Variants in GRIN2B observed in about 807,000 individuals in gnomAD.
GRIN2B encodes glutamate ionotropic receptor NMDA type subunit 2B.
GRIN2B carries 5 observed loss-of-function variants against 114.5 expected under a neutral mutation model. That is an observed-to-expected ratio of 0.04 (90% CI 0.02 to 0.09). The LOEUF (loss-of-function observed/expected upper bound fraction) is 0.09. Among genes scored for constraint, GRIN2B ranks in the 10% least tolerant of loss-of-function variants. The pLI is 1.00. For missense variants in GRIN2B, 1,108 were observed against 1,943.5 expected, an observed-to-expected ratio of 0.57 and a Z score of 8.08; for synonymous variants, 787 against 745.1, an observed-to-expected ratio of 1.06 and a Z score of -0.92.
chr12:13,580,057 AG>A (rs1278874097), intron 10 of GRIN2B, among the ~76,000 whole-genome samples: 1 of 152,238 alleles, frequency 6.6e-6, no homozygotes, highest in East Asian at 1.9e-4. Context: ...TCCTGGCACC[AG>A]GAGAGGAGCA....
chr12:13,691,155 C>T (rs1489791115), intron 4 of GRIN2B, among the ~76,000 whole-genome samples: 1 of 151,890 alleles, frequency 6.6e-6, no homozygotes, highest in African/African-American at 2.4e-5. Context: ...ACTCCCTACA[C>T]ACATCACAGC....
chr12:13,929,446 C>T (rs917317704), intron 2 of GRIN2B, among the ~76,000 whole-genome samples: 3 of 152,218 alleles, frequency 2.0e-5, no homozygotes, highest in African/African-American at 7.2e-5. Context: ...AATAATAACC[C>T]TAACAACATA....
At chr12:13,838,812 G>A (rs1397581290) in intron 3 of GRIN2B, among the ~76,000 whole-genome samples, 2 of 152,210 alleles carry the variant, frequency 1.3e-5, no homozygotes, top group Non-Finnish European at 2.9e-5. Context: ...AGGGTGGTGT[G>A]TAGAGGAAAC....
intron 3 of GRIN2B, among the ~76,000 whole-genome samples, chr12:13,838,834 T>C (rs939242231): frequency 1.3e-5 from 2 of 152,164 alleles, no homozygotes; most frequent in African/African-American, 2.4e-5. Flanking sequence ...ACCAGCTTGC[T>C]CCCAGTGCCC....
chr12:13,725,864 G>A (rs75191382), intron 4 of GRIN2B, among the ~76,000 whole-genome samples: 2 of 152,188 alleles, frequency 1.3e-5, no homozygotes, highest in East Asian at 3.9e-4. Flanking sequence ...GCAGAGAGGT[G>A]AGCGCATGGG....
In GRIN2B at chr12:13,753,166, C is replaced by G. The variant is rs533912187; in HGVS notation, c.1010+151G>C. The G allele has an allele frequency of 2.7e-6, 2 of 746,836 alleles. No homozygotes were observed. Among genetic ancestry groups the G allele is most frequent in the Non-Finnish European group, 4.9e-6 (2 of 408,292 alleles). 46.3% of individuals were successfully genotyped at this position (746,836 alleles called of 1,614,324 possible). A position where few individuals can be genotyped will look rare whatever the true frequency, so the allele number is the denominator to read the frequency against. On this transcript the variant is annotated intron_variant, in intron 4 of 13. Transcript: ENST00000609686. The surrounding 1 kb of genome is among the most constrained non-coding windows in gnomAD (Gnocchi z 6.2). ...TGGCAAGGTTGGATCCAAAACACTC[C>G]CCCAATCATGACCAATTGCCATGCC...
At chr12:13,808,342 C>A (rs941111172) in intron 3 of GRIN2B, among the ~76,000 whole-genome samples, 2 of 152,122 alleles carry the variant, frequency 1.3e-5, no homozygotes, top group Non-Finnish European at 2.9e-5. Flanking sequence ...GGTAGAAGGG[C>A]TCTAATGGCC....
At chr12:13,804,349 C>G (rs1001347832) in intron 3 of GRIN2B, among the ~76,000 whole-genome samples, 1 of 151,676 alleles carries the variant, frequency 6.6e-6, no homozygotes, top group Non-Finnish European at 1.5e-5. Flanking sequence ...GATTGTTATT[C>G]CTAAAGTTTT....
chr12:13,723,010 G>A (rs1273408716), intron 4 of GRIN2B, among the ~76,000 whole-genome samples: 1 of 151,928 alleles, frequency 6.6e-6, no homozygotes, highest in Non-Finnish European at 1.5e-5. Context: ...TCTTGCCCTG[G>A]GGTTTCTCCT....
At chr12:13,799,112 G>T (rs148683130) in intron 3 of GRIN2B, among the ~76,000 whole-genome samples, 15 of 152,252 alleles carry the variant, frequency 9.9e-5, no homozygotes, top group Admixed American at 2.6e-4. Context: ...ACCACCCATT[G>T]CATCCCCTGG....
At chr12:13,692,074 C>G (rs1950219031) in intron 4 of GRIN2B, among the ~76,000 whole-genome samples, 1 of 152,098 alleles carries the variant, frequency 6.6e-6, no homozygotes, top group South Asian at 2.1e-4. Flanking sequence ...CCGATTGAAG[C>G]CAAGAGAAAA....
At chr12:13,694,632 C>A (rs1232901058) in intron 4 of GRIN2B, among the ~76,000 whole-genome samples, 17 of 119,726 alleles carry the variant, frequency 1.4e-4, no homozygotes, top group Non-Finnish European at 1.7e-5. Context: ...TAGCTCCTTC[C>A]CAGTCTATTG....
At position 13,932,994 on chromosome 12, in the gene GRIN2B, C is replaced by CAT. The variant is rs1413749894; in HGVS notation, c.-19+46933_-19+46934insAT. Among the ~76,000 whole-genome samples, 618 of 127,240 alleles carry CAT rather than the reference C, an allele frequency of 4.9e-3. 4 individuals are homozygous for CAT. Among genetic ancestry groups the CAT allele is most frequent in the African/African-American group, 0.016 (603 of 37,974 alleles). The allele number at this position is 127,240 out of a possible 152,430, so 83.5% of individuals were successfully genotyped here. On this transcript the variant is annotated intron_variant, in intron 2 of 13. Coordinates refer to ENST00000609686, the MANE Select transcript of GRIN2B (RefSeq NM_000834.5). ...GTGTGTGTGTGTGTGTGTGCGTGTG[C>CAT]GTGTGTGTGTGTTTGTGTGAATGGC...
At chr12:13,942,613 A>G (rs1190506401) in intron 2 of GRIN2B, among the ~76,000 whole-genome samples, 1 of 152,218 alleles carries the variant, frequency 6.6e-6, no homozygotes, top group Non-Finnish European at 1.5e-5. Flanking sequence ...ATGATATCCT[A>G]ATAGGCCTAA....
chr12:13,906,079 C>T (rs1400877962), intron 2 of GRIN2B, among the ~76,000 whole-genome samples: 5 of 152,278 alleles, frequency 3.3e-5, no homozygotes, highest in Admixed American at 1.3e-4. Flanking sequence ...CAATACTTTT[C>T]TTGGATTTCA....
chr12:13,872,429 C>G (rs1865925767), intron 2 of GRIN2B, among the ~76,000 whole-genome samples: 1 of 147,464 alleles, frequency 6.8e-6, no homozygotes, highest in South Asian at 2.2e-4. Flanking sequence ...GTACTCCAGC[C>G]TGGCAACAGA....
rs1175287627 is a variant in GRIN2B, at chr12:13,562,021, A to G, written c.*762T>C. 2 of 152,648 alleles carry G rather than the reference A, an allele frequency of 1.3e-5. No individual in the cohort carries two copies. Among genetic ancestry groups the G allele is most frequent in the Admixed American group, 1.3e-4 (2 of 15,284 alleles). 9.5% of individuals were successfully genotyped at this position (152,648 alleles called of 1,614,324 possible). The stretch of plus-strand genomic sequence containing the variant: ...GCCTTCTCTTGAGGCACCTGACTAC[A>G]CATGGGTGCAAGTGTGCATGAACAC... On this transcript the variant is annotated 3_prime_UTR_variant, in exon 14 of 14. Transcript: ENST00000609686.
intron 3 of GRIN2B, among the ~76,000 whole-genome samples, chr12:13,835,251 T>C (rs951220389): frequency 1.3e-5 from 2 of 152,112 alleles, no homozygotes; most frequent in Non-Finnish European, 2.9e-5. Context: ...TACCCTCAGA[T>C]TACAGAGCTT....
chr12:13,682,442 G>C (rs1055227504), intron 4 of GRIN2B, among the ~76,000 whole-genome samples: 1 of 152,072 alleles, frequency 6.6e-6, no homozygotes, highest in Non-Finnish European at 1.5e-5. Context: ...ACTTGAGATG[G>C]GTTAAAAATA....
Sources: allele counts gnomAD v4.1 joint callset (sites outside exome capture counted in the v4.1 genomes callset), GRCh38; gene constraint gnomAD v4.1.1; non-coding constraint Gnocchi (gnomAD v3.1); transcripts MANE v1.5; gene names NCBI Gene and HGNC (gene_info 2026-07-23, HGNC 2026-07-21).